The following DENND1A variants were observed in gnomAD, a reference collection of about 807,000 sequenced individuals.
The protein encoded by DENND1A is DENN domain-containing protein 1A.
DENND1A carries 51 observed loss-of-function variants against 113.7 expected under a neutral mutation model. That is an observed-to-expected ratio of 0.45 (90% CI 0.36 to 0.57). The LOEUF is 0.57. Ranked by LOEUF, DENND1A falls within the 20% of genes least tolerant of loss-of-function variation. The pLI, the probability that DENND1A is intolerant of heterozygous loss-of-function variation, is 0.00. For synonymous variants in DENND1A, 565 were observed against 570.8 expected (o/e 0.99, Z 0.14); for missense variants, 1,258 against 1,395.9 (o/e 0.90, Z 1.57).
At chr9:123,521,619 T>G (rs931442919) in intron 13 of DENND1A, among the ~76,000 whole-genome samples, 1 of 152,210 alleles carries the variant, frequency 6.6e-6, no homozygotes, top group Non-Finnish European at 1.5e-5. Flanking sequence ...ACAGGGGAGC[T>G]GGCTAAATGC....
intron 5 of DENND1A, among the ~76,000 whole-genome samples, chr9:123,746,460 T>C (rs1355922143): frequency 6.6e-6 from 1 of 152,202 alleles, no homozygotes; most frequent in Non-Finnish European, 1.5e-5. Context: ...ATATCCCTTA[T>C]CCAAAACATA....
chr9:123,508,502 T>C lies in DENND1A; in HGVS notation c.993+49068A>G, dbSNP rs77286007. ...CACAGCAGGTATTTTGATTTGATGA[T>C]AATCACTTTTCTTTACAATTTTCTT... On this transcript the variant is annotated intron_variant, in intron 13 of 23. Transcript: ENST00000394215. Among the ~76,000 whole-genome samples the C allele has an allele frequency of 5.6e-3, 857 of 152,390 alleles. 7 individuals are homozygous for C. The highest frequency in any genetic ancestry group is 0.019 in the African/African-American group (790 of 41,600).
intron 9 of DENND1A, among the ~76,000 whole-genome samples, chr9:123,633,848 T>A (rs1393127616): frequency 6.6e-6 from 1 of 152,188 alleles, no homozygotes; most frequent in Non-Finnish European, 1.5e-5. Context: ...ATGGCACTTT[T>A]GGAAAACCAA....
chr9:123,811,349 T>A (rs1158038685), intron 2 of DENND1A, among the ~76,000 whole-genome samples: 3 of 152,218 alleles, frequency 2.0e-5, no homozygotes, highest in Non-Finnish European at 4.4e-5. Flanking sequence ...AGCAGTCTCC[T>A]ATAATTGATA....
chr9:123,549,370 G>A (rs890643294), intron 13 of DENND1A, among the ~76,000 whole-genome samples: 5 of 152,062 alleles, frequency 3.3e-5, no homozygotes, highest in Non-Finnish European at 5.9e-5. Flanking sequence ...TCCCTTATGT[G>A]TGTTCTGGGA....
rs180694716 is a variant in DENND1A, at chr9:123,742,571, G to C, written c.302+15132C>G. 7.9e-5 allele frequency among the ~76,000 whole-genome samples: 12 copies of C among 152,264 alleles called. No individual in the cohort carries two copies. In the South Asian group the frequency reaches 1.7e-3, roughly 21 times the overall value. On this transcript the variant is annotated intron_variant, in intron 5 of 23. Transcript: ENST00000394215. ...CTCAGCAATCTCAGTTCATCCTTAGGGTAGACGAACAAAAACCTGGCAAAT... is the reference window on the plus strand; with the variant it reads ...CTCAGCAATCTCAGTTCATCCTTAGCGTAGACGAACAAAAACCTGGCAAAT...
intron 5 of DENND1A, among the ~76,000 whole-genome samples, chr9:123,748,122 C>T (rs2069677567): frequency 6.6e-6 from 1 of 152,162 alleles, no homozygotes; most frequent in African/African-American, 2.4e-5. Flanking sequence ...ATAAATCAAT[C>T]TCACACAAAT....
At chr9:123,705,871 C>T (rs1249667499) in intron 5 of DENND1A, among the ~76,000 whole-genome samples, 2 of 152,046 alleles carry the variant, frequency 1.3e-5, no homozygotes, top group East Asian at 1.9e-4. Flanking sequence ...GAAAAGAAGA[C>T]GTAGAGAACT....
chr9:123,765,868 C>T (rs1007042646), intron 4 of DENND1A, among the ~76,000 whole-genome samples: 3 of 152,178 alleles, frequency 2.0e-5, no homozygotes, highest in African/African-American at 4.8e-5. Context: ...GTAGAAATAA[C>T]TCTGGATTAG....
At chr9:123,610,499 T>C (rs900082540) in intron 10 of DENND1A, among the ~76,000 whole-genome samples, 1 of 152,176 alleles carries the variant, frequency 6.6e-6, no homozygotes, top group Non-Finnish European at 1.5e-5. Context: ...GACTTTGTAA[T>C]ATAGAACCTG....
intron 13 of DENND1A, among the ~76,000 whole-genome samples, chr9:123,485,214 C>A (rs1464138990): frequency 2.0e-5 from 3 of 152,146 alleles, no homozygotes; most frequent in Non-Finnish European, 4.4e-5. Flanking sequence ...GGCTTTTTGG[C>A]TTTGAAAGAG....
chr9:123,651,006 G>A (rs990245352), intron 9 of DENND1A, among the ~76,000 whole-genome samples: 2 of 150,438 alleles, frequency 1.3e-5, no homozygotes, highest in African/African-American at 2.4e-5. Flanking sequence ...AATGTCACTA[G>A]TAGAATTTAG....
At chr9:123,525,112 AAGG>A (rs1388097323) in intron 13 of DENND1A, among the ~76,000 whole-genome samples, 1 of 152,184 alleles carries the variant, frequency 6.6e-6, no homozygotes, top group Non-Finnish European at 1.5e-5. Context: ...GGCTCCGAAA[AAGG>A]AGGAGACGTG....
At chr9:123,717,167 G>T (rs2067027889) in intron 5 of DENND1A, among the ~76,000 whole-genome samples, 1 of 152,132 alleles carries the variant, frequency 6.6e-6, no homozygotes, top group Non-Finnish European at 1.5e-5. Flanking sequence ...TGGTCAGATA[G>T]TTGGCAAGTG....
At chr9:123,423,672 T>C (rs1437208347) in intron 19 of DENND1A, among the ~76,000 whole-genome samples, 1 of 152,230 alleles carries the variant, frequency 6.6e-6, no homozygotes, top group Non-Finnish European at 1.5e-5. Flanking sequence ...CACACGCTCA[T>C]GTATGGGATA....
intron 1 of DENND1A, among the ~76,000 whole-genome samples, chr9:123,887,899 T>C (rs1322730092): frequency 6.6e-6 from 1 of 152,182 alleles, no homozygotes; most frequent in Non-Finnish European, 1.5e-5. Flanking sequence ...GGATTTGAAA[T>C]GCAGATATTA....
chr9:123,396,298 GAGGCTGACTC>G (rs1450504137), intron 21 of DENND1A, among the ~76,000 whole-genome samples: 3 of 152,242 alleles, frequency 2.0e-5, no homozygotes, highest in Non-Finnish European at 4.4e-5. Context: ...GGTGGGCCAG[GAGGCTGACTC>G]AGGCCTGTTG....
At chr9:123,863,947 T>A (rs769906347) in intron 2 of DENND1A, among the ~76,000 whole-genome samples, 3 of 151,212 alleles carry the variant, frequency 2.0e-5, no homozygotes, top group Non-Finnish European at 4.4e-5. Flanking sequence ...ACTGTTTCCA[T>A]GTCATTGAAA....
chr9:123,622,043 G>A (rs528307724), intron 10 of DENND1A, among the ~76,000 whole-genome samples: 7 of 152,242 alleles, frequency 4.6e-5, no homozygotes, highest in East Asian at 1.9e-4. Flanking sequence ...GAGGAAGAAC[G>A]GCTTCCAGAG....
Sources: gnomAD v4.1 joint callset for allele counts (sites outside exome capture counted in the v4.1 genomes callset) on GRCh38, gnomAD v4.1.1 for gene constraint, MANE v1.5 for transcripts, NCBI Gene and HGNC (gene_info 2026-07-23, HGNC 2026-07-21) for gene names.